The following SLC30A5 variants were observed in gnomAD, a reference collection of about 807,000 sequenced individuals.
The protein encoded by SLC30A5 is solute carrier family 30 member 5.
A neutral mutation model predicts 79.6 loss-of-function variants in SLC30A5; 33 were observed. The observed-to-expected ratio is 0.41, with a 90% CI of 0.31 to 0.55. The LOEUF (loss-of-function observed/expected upper bound fraction) is 0.55. Ranked by LOEUF, SLC30A5 falls within the 20% of genes least tolerant of loss-of-function variation. SLC30A5 has a pLI of 0.20. For missense variants in SLC30A5, 788 were observed against 928.1 expected (o/e 0.85, Z 1.96); for synonymous variants, 299 against 319.7 (o/e 0.94, Z 0.69).
In SLC30A5 at chr5:69,123,367, T is replaced by C. The variant is rs1420467626; in HGVS notation, c.1940T>C (p.Val647Ala). 2 of 1,614,064 alleles carry C rather than the reference T, an allele frequency of 1.2e-6. No homozygotes were observed. Among genetic ancestry groups the C allele is most frequent in the Non-Finnish European group, 1.7e-6 (2 of 1,179,982 alleles). ...CCACTGATTAAAGATGCCTGCCAGG[T>C]TCTACTCCTGAGATTGCCACCAGAA... ...VVPLIKDACQ[V>A]LLLRLPPEYE... The change falls in exon 14 of 16, where the codon GTT (valine) becomes GCT (alanine). Residue 647 changes from valine (V) to alanine (A), a missense_variant. Val to Ala is a moderately conservative substitution (Grantham distance 64). Transcript: ENST00000396591.
In SLC30A5 at chr5:69,121,819, T is replaced by A. The variant is rs775367115; in HGVS notation, c.1695T>A (p.His565Gln). ...CHSSDHSHSH[H>Q]MHGHSDHGHG... ...CATCTGATCACAGCCATTCACACCA[T>A]ATGCATGGACACAGTGACCATGGGC... Residue 565 changes from histidine to glutamine, a missense_variant, in exon 13 of 16, where the codon CAT (histidine) becomes CAA (glutamine). His to Gln is a conservative substitution (Grantham distance 24). Coordinates refer to ENST00000396591, the MANE Select transcript of SLC30A5 (RefSeq NM_022902.5). The A allele has an allele frequency of 1.2e-6, 2 of 1,613,402 alleles. No individual in the cohort carries two copies. Among genetic ancestry groups the A allele is most frequent in the Non-Finnish European group, 8.5e-7 (1 of 1,179,620 alleles).
chr5:69,100,731 T>G, intron 1 of SLC30A5, 76 bp from the exon 2 acceptor site: 5 of 1,314,690 alleles, frequency 3.8e-6, no homozygotes, highest in Non-Finnish European at 5.3e-6. Flanking sequence ...TAATGACCTC[T>G]TGTTTAAAAA....
chr5:69,116,189 A>T lies in SLC30A5; in HGVS notation c.1047A>T (p.Val349=), dbSNP rs373916890. 3.2e-5 allele frequency: 51 copies of T among 1,611,642 alleles called. No homozygotes were observed. The highest frequency in any genetic ancestry group is 4.2e-5 in the Non-Finnish European group (50 of 1,179,204). The stretch of plus-strand genomic sequence containing the variant: ...AACACGTCCTGTCTGGAGGAGTGGT[A>T]GTGAGTGCTATATTCTTCATTTTGT... ...STEHVLSGGV[V]VSAIFFILSA... The change falls in exon 9 of 16, where the codon GTA becomes GTT. Residue 349 remains valine, a synonymous_variant. Transcript: ENST00000396591. This position sits in a 1 kb window ranked among gnomAD's most constrained non-coding sequence, Gnocchi z 4.0.
In SLC30A5 at chr5:69,115,325, C is replaced by A; in HGVS notation, c.701C>A (p.Ala234Asp). 6.2e-7 allele frequency: 1 copy of A among 1,613,824 alleles called. No homozygotes were observed. The highest frequency in any genetic ancestry group is 8.5e-7 in the Non-Finnish European group (1 of 1,179,842). Residue 234 changes from alanine to aspartate, a missense_variant, in exon 8 of 16, where the codon GCT (alanine) becomes GAT (aspartate). This residue lies in a region of SLC30A5 where 626 missense variants were observed against 755.5 expected (regional missense o/e 0.83). Transcript: ENST00000396591. ...AAGCTCTCTGTCGACGTTGGTGGAGCTAAACGTCTTCAAGCTTTATCTCAT... is the reference window on the plus strand; with the variant it reads ...AAGCTCTCTGTCGACGTTGGTGGAGATAAACGTCTTCAAGCTTTATCTCAT... ...SRKLSVDVGG[A>D]KRLQALSHLV...
rs1746336164 is a variant in SLC30A5, at chr5:69,115,291, G to A, written c.667G>A (p.Ala223Thr). The change falls in exon 8 of 16, where the codon GCT becomes ACT. Residue 223 changes from alanine (A) to threonine (T), a missense_variant. This residue lies in a region of SLC30A5 where 626 missense variants were observed against 755.5 expected (regional missense o/e 0.83). Transcript: ENST00000396591. Reference sequence around the variant, plus strand: ...GTGTTGTAAAGTTGGTTTTCATACAGCTTCCAGAAAGCTCTCTGTCGACGT... The same window carrying A: ...GTGTTGTAAAGTTGGTTTTCATACAACTTCCAGAAAGCTCTCTGTCGACGT... ...ALCCKVGFHT[A>T]SRKLSVDVGG... 1.2e-6 allele frequency: 2 copies of A among 1,613,880 alleles called. No homozygotes were observed. The highest frequency in any genetic ancestry group is 2.7e-5 in the African/African-American group (2 of 74,888).
At chr5:69,098,010 T>C (rs1745795952) in intron 1 of SLC30A5, among the ~76,000 whole-genome samples, 2 of 152,082 alleles carry the variant, frequency 1.3e-5, no homozygotes, top group Non-Finnish European at 1.5e-5. Flanking sequence ...AGAGGGAGGC[T>C]AATTTTTAAA....
At position 69,108,397 on chromosome 5, in the gene SLC30A5, C is replaced by G; in HGVS notation, c.408C>G (p.Leu136=). 1 of 1,613,852 alleles carries G rather than the reference C, an allele frequency of 6.2e-7. No individual in the cohort carries two copies. Among genetic ancestry groups the G allele is most frequent in the African/African-American group, 1.3e-5 (1 of 75,024 alleles). ...GTGATATTGTTGTCATTTCACTACTCAGTGTTTTGTTCACCAGTTCTGGAG... is the reference window on the plus strand; with the variant it reads ...GTGATATTGTTGTCATTTCACTACTGAGTGTTTTGTTCACCAGTTCTGGAG... ...EHSDIVVISL[L]SVLFTSSGGG... is the part of the protein sequence containing the mutation. Residue 136 remains leucine (L), a synonymous_variant, in exon 5 of 16, where the codon CTC becomes CTG. Coordinates refer to ENST00000396591, the MANE Select transcript of SLC30A5 (RefSeq NM_022902.5).
intron 5 of SLC30A5, among the ~76,000 whole-genome samples, chr5:69,111,883 A>G (rs1319390457): frequency 6.6e-6 from 1 of 152,212 alleles, no homozygotes; most frequent in Admixed American, 6.5e-5. Context: ...GAAGTATTGT[A>G]TTATACTTCC....
In SLC30A5 at chr5:69,128,065, G is replaced by A; in HGVS notation, c.2060G>A (p.Ser687Asn). ...RDPHFWRHSA[S>N]IVAGTIHIQV... Reference sequence around the variant, plus strand: ...CCTCATTTTTGGCGTCATTCTGCTAGTATTGTGGCAGGAACAATTCATATA... The same window carrying A: ...CCTCATTTTTGGCGTCATTCTGCTAATATTGTGGCAGGAACAATTCATATA... Residue 687 changes from serine (S) to asparagine (N), a missense_variant, in exon 15 of 16, where the codon AGT (serine) becomes AAT (asparagine). Around this residue, in one of 3 missense-constraint regions of SLC30A5, gnomAD observed 158 missense variants for 156.2 expected, o/e 1.01. Transcript: ENST00000396591. 1.2e-6 allele frequency: 2 copies of A among 1,612,032 alleles called. No homozygotes were observed. Among genetic ancestry groups the A allele is most frequent in the African/African-American group, 1.3e-5 (1 of 74,952 alleles).
At chr5:69,118,801 C>CTTTTTTT (rs35781175) in intron 12 of SLC30A5, among the ~76,000 whole-genome samples, 173 bp downstream of exon 12, 1 of 97,322 alleles carries the variant, frequency 1.0e-5, no homozygotes, top group African/African-American at 4.0e-5. Context: ...TAGAAATTCT[C>CTTTTTTT]TTTTTTTTTT....
At position 69,116,050 on chromosome 5, in the gene SLC30A5, G is replaced by T; in HGVS notation, c.908G>T (p.Arg303Leu). 6.2e-7 allele frequency: 1 copy of T among 1,614,058 alleles called. No individual in the cohort carries two copies. Among genetic ancestry groups the T allele is most frequent in the Non-Finnish European group, 8.5e-7 (1 of 1,180,002 alleles). The change falls in exon 9 of 16, where the codon CGT becomes CTT. Residue 303 changes from arginine to leucine, a missense_variant. Physicochemically the swap from Arg to Leu is moderately radical, Grantham distance 102. Around this residue, in one of 3 missense-constraint regions of SLC30A5, gnomAD observed 626 missense variants for 755.5 expected, o/e 0.83. Coordinates refer to ENST00000396591, the MANE Select transcript of SLC30A5 (RefSeq NM_022902.5). This position sits in a 1 kb window ranked among gnomAD's most constrained non-coding sequence, Gnocchi z 4.0. The part of the protein sequence containing the change: ...SVKMEVSKCA[R>L]YGSFPIFISA... ...AAAATGGAAGTTTCCAAATGTGCTC[G>T]TTATGGATCCTTTCCCATTTTTATT...
At chr5:69,100,165 G>C (rs1460588485) in intron 1 of SLC30A5, among the ~76,000 whole-genome samples, 1 of 152,058 alleles carries the variant, frequency 6.6e-6, no homozygotes, top group African/African-American at 2.4e-5. Flanking sequence ...GTGAGTTTTC[G>C]CCATGTTGGC....
At chr5:69,109,430 C>CGT (rs371319357) in intron 5 of SLC30A5, among the ~76,000 whole-genome samples, 10 of 150,852 alleles carry the variant, frequency 6.6e-5, no homozygotes, top group South Asian at 2.1e-4. Context: ...TACATACGAT[C>CGT]GTGTGTGTGT....
rs1050725512 is a variant in SLC30A5 at position 69,094,337 on chromosome 5, C to G, written c.82C>G (p.Arg28Gly). Residue 28 changes from arginine to glycine, a missense_variant and splice_region_variant, in exon 1 of 16, where the codon CGA becomes GGA. This residue lies in a region of SLC30A5 where 626 missense variants were observed against 755.5 expected (regional missense o/e 0.83). Transcript: ENST00000396591. ...GLGPVDVPSA[R>G]LTKYIVLLCF... ...TGGGCCGGTGGACGTACCCAGCGCT[C>G]GGTAAGGGACCGATCCGGAAGGCAG... The G allele has an allele frequency of 2.4e-6, 3 of 1,248,174 alleles. No individual in the cohort carries two copies. The African/African-American group carries it at 4.7e-5, about 19-fold the overall frequency. 77.3% of individuals were successfully genotyped at this position (1,248,174 alleles called of 1,614,324 possible). A position where few individuals can be genotyped will look rare whatever the true frequency, so the allele number is the denominator to read the frequency against.
At position 69,116,493 on chromosome 5, in the gene SLC30A5, C is replaced by A; in HGVS notation, c.1172C>A (p.Ala391Asp). Residue 391 changes from alanine (A) to aspartate (D), a missense_variant, in exon 10 of 16, where the codon GCT becomes GAT. This residue lies in a region of SLC30A5 where 626 missense variants were observed against 755.5 expected (regional missense o/e 0.83). Transcript: ENST00000396591. This position sits in a 1 kb window ranked among gnomAD's most constrained non-coding sequence, Gnocchi z 4.0. ...CCTCTTTATAACTTCATGGGTGATG[C>A]TTTTCAGCATAGCTCTCAATCGATC... is the stretch of plus-strand genomic sequence containing the variant. ...GTPLYNFMGDAFQHSSQSIPR... is the reference protein window; with the variant it reads ...GTPLYNFMGDDFQHSSQSIPR... 1.2e-6 allele frequency: 2 copies of A among 1,612,228 alleles called. No homozygotes were observed. Among genetic ancestry groups the A allele is most frequent in the Non-Finnish European group, 8.5e-7 (1 of 1,179,312 alleles).
chr5:69,112,033 C>T (rs1312425454), intron 5 of SLC30A5, among the ~76,000 whole-genome samples: 1 of 152,138 alleles, frequency 6.6e-6, no homozygotes, highest in Non-Finnish European at 1.5e-5. Context: ...GGCACAGTGG[C>T]TCATGCCTGT....
chr5:69,097,442 T>C (rs1745779635), intron 1 of SLC30A5, among the ~76,000 whole-genome samples: 1 of 152,092 alleles, frequency 6.6e-6, no homozygotes, highest in African/African-American at 2.4e-5. Context: ...TTCCTTCCCT[T>C]CCTTCATTCC....
At position 69,129,774 on chromosome 5, in the gene SLC30A5, C is replaced by A; in HGVS notation, c.*157C>A. The A allele has an allele frequency of 3.8e-6, 2 of 522,468 alleles. No individual in the cohort carries two copies. Among genetic ancestry groups the A allele is most frequent in the African/African-American group, 1.9e-5 (1 of 51,850 alleles). The allele number at this position is 522,468 out of a possible 1,614,324, so 32.4% of individuals were successfully genotyped here. A position where few individuals can be genotyped will look rare whatever the true frequency, so the allele number is the denominator to read the frequency against. ...ATCTTTCTTGAAGGAAATTTAAATA[C>A]AGAATGAAACATTAATGGTAAAAGT... On this transcript the variant is annotated 3_prime_UTR_variant, in exon 16 of 16. Transcript: ENST00000396591.
chr5:69,123,215 T>C lies in SLC30A5; in HGVS notation c.1788T>C (p.Val596=), dbSNP rs537646867. 4.4e-6 allele frequency: 7 copies of C among 1,603,134 alleles called. No individual in the cohort carries two copies. In the African/African-American group the frequency reaches 8.0e-5, roughly 18 times the overall value. Residue 596 remains valine, a synonymous_variant, in exon 14 of 16, where the codon GTT becomes GTC. Transcript: ENST00000396591. ...TATTTGTAGGTGTATTTCTACATGT[T>C]TTGGCAGATACACTTGGCAGCATTG... The part of the protein sequence containing the change: ...NANMRGVFLH[V]LADTLGSIGV...
Sources: gnomAD v4.1 joint callset for allele counts (sites outside exome capture counted in the v4.1 genomes callset) on GRCh38, gnomAD v4.1.1 for gene constraint, gnomAD v4.1.1 regional missense constraint, Gnocchi (gnomAD v3.1) non-coding constraint, MANE v1.5 for transcripts, NCBI Gene and HGNC (gene_info 2026-07-23, HGNC 2026-07-21) for gene names.